The following ADGRL3 variants were observed in gnomAD, a reference collection of about 807,000 sequenced individuals.
The protein encoded by ADGRL3 is adhesion G protein-coupled receptor L3, also known as calcium-independent alpha-latrotoxin receptor 3.
In ADGRL3, 62 loss-of-function variants were observed where a neutral mutation model predicts 153.5. The ratio of observed to expected loss-of-function variants is 0.40; its 90% confidence interval spans 0.33 to 0.50. The LOEUF (loss-of-function observed/expected upper bound fraction) is 0.50, where lower values mean the gene tolerates loss of function less well. Ranked by LOEUF, ADGRL3 falls within the 20% of genes least tolerant of loss-of-function variation. The pLI, the probability that ADGRL3 is intolerant of heterozygous loss-of-function variation, is 0.47. For synonymous variants in ADGRL3, 710 were observed against 672.5 expected, an observed-to-expected ratio of 1.06 and a Z score of -0.86; for missense variants, 1,641 against 1,859.4, an observed-to-expected ratio of 0.88 and a Z score of 2.16.
chr4:61,364,343 AAAAT>A (rs1352054584), intron 1 of ADGRL3, among the ~76,000 whole-genome samples: 4 of 146,600 alleles, frequency 2.7e-5, no homozygotes, highest in African/African-American at 7.6e-5. Flanking sequence ...AAAAAAAAAA[AAAAT>A]AATAATAATA....
intron 6 of ADGRL3, among the ~76,000 whole-genome samples, chr4:61,688,490 G>C (rs1407486413): frequency 6.6e-6 from 1 of 152,064 alleles, no homozygotes; most frequent in Non-Finnish European, 1.5e-5. Flanking sequence ...TCAATTTACA[G>C]AGTTTCTGTG....
chr4:61,226,672 A>T (rs890944522), intron 1 of ADGRL3, among the ~76,000 whole-genome samples: 8 of 152,132 alleles, frequency 5.3e-5, no homozygotes, highest in Admixed American at 5.2e-4. Flanking sequence ...ATGGAGGAAG[A>T]CCCTGAGAAG....
intron 2 of ADGRL3, among the ~76,000 whole-genome samples, chr4:61,410,883 G>A (rs969773459): frequency 3.9e-5 from 6 of 152,182 alleles, no homozygotes; most frequent in Admixed American, 3.3e-4. Flanking sequence ...CAGGAACTGG[G>A]ATTCCAAAAG....
intron 9 of ADGRL3, among the ~76,000 whole-genome samples, chr4:61,853,564 A>G (rs2098231661): frequency 6.6e-6 from 1 of 152,196 alleles, no homozygotes; most frequent in South Asian, 2.1e-4. Flanking sequence ...CCTTCTGGCT[A>G]CAAAGTTTTA....
chr4:62,055,374 AAAG>A (rs1736448083), intron 25 of ADGRL3, among the ~76,000 whole-genome samples: 1 of 151,804 alleles, frequency 6.6e-6, no homozygotes. Context: ...TTAGCTATTA[AAAG>A]AAGCTGAAGT....
intron 9 of ADGRL3, among the ~76,000 whole-genome samples, chr4:61,856,602 CTCTTTTTTTTTTTTTTTTT>C (rs1561367013): frequency 1.7e-3 from 38 of 22,382 alleles, no homozygotes; most frequent in African/African-American, 3.9e-3. Flanking sequence ...CTCTCTCTCT[CTCTTTTTTTTTTTTTTTTT>C]TTTTTTTTTT....
At chr4:61,574,160 T>A (rs559716467) in intron 4 of ADGRL3, among the ~76,000 whole-genome samples, 6 of 151,988 alleles carry the variant, frequency 3.9e-5, no homozygotes, top group Admixed American at 3.9e-4. Flanking sequence ...AGAGTGCAAC[T>A]CCATCAGACC....
intron 8 of ADGRL3, among the ~76,000 whole-genome samples, chr4:61,782,769 G>A (rs2097229032): frequency 6.6e-6 from 1 of 152,144 alleles, no homozygotes. Context: ...GACTCTGCCA[G>A]TAAAGCAGTC....
At chr4:61,628,808 G>A (rs2092985167) in intron 5 of ADGRL3, among the ~76,000 whole-genome samples, 1 of 152,126 alleles carries the variant, frequency 6.6e-6, no homozygotes, top group Non-Finnish European at 1.5e-5. Flanking sequence ...ATACAGCTCA[G>A]GGAGAGCCCT....
intron 3 of ADGRL3, among the ~76,000 whole-genome samples, chr4:61,497,651 G>A (rs1019548210): frequency 4.0e-5 from 6 of 149,884 alleles, no homozygotes; most frequent in African/African-American, 1.5e-4. Context: ...GAGTAGCTGG[G>A]ACTACAGGCG....
chr4:61,351,062 C>A (rs2096037617), intron 1 of ADGRL3, among the ~76,000 whole-genome samples: 1 of 152,110 alleles, frequency 6.6e-6, no homozygotes, highest in South Asian at 2.1e-4. Context: ...AGGAAAAGTT[C>A]TTGAAGAAAA....
At chr4:62,034,633 T>A (rs1006557540) in intron 23 of ADGRL3, among the ~76,000 whole-genome samples, 4 of 151,892 alleles carry the variant, frequency 2.6e-5, no homozygotes, top group African/African-American at 9.7e-5. Context: ...TAATATGCCA[T>A]CACTGGTATA....
At chr4:61,369,636 A>G (rs2096481761) in intron 1 of ADGRL3, among the ~76,000 whole-genome samples, 7 of 152,146 alleles carry the variant, frequency 4.6e-5, no homozygotes, top group Admixed American at 4.6e-4. Flanking sequence ...GTTTGCCAGT[A>G]TTTTATTGAG....
intron 2 of ADGRL3, among the ~76,000 whole-genome samples, chr4:61,458,928 C>A (rs1378115907): frequency 5.9e-5 from 9 of 151,294 alleles, no homozygotes; most frequent in African/African-American, 2.2e-4. Flanking sequence ...AAGCATTTAA[C>A]ACATTTAAAA....
rs371450810 is a variant in ADGRL3 at position 61,410,172 on chromosome 4, CTA to C, written c.-174+26985_-174+26986del. ...ATTTTTAATTTTTTAAAAAATGACTCTATTTGTAAATTTATATTCATGAGTTC... is the reference window on the plus strand; with the variant it reads ...ATTTTTAATTTTTTAAAAAATGACTCTTTGTAAATTTATATTCATGAGTTC... On this transcript the variant is annotated intron_variant, in intron 2 of 26. Transcript: ENST00000683033. Among the ~76,000 whole-genome samples the C allele has an allele frequency of 2.2e-3, 341 of 151,942 alleles. 4 individuals are homozygous for C. The highest frequency in any genetic ancestry group is 7.8e-3 in the African/African-American group (324 of 41,490).
chr4:62,019,875 G>T (rs1044248736), intron 21 of ADGRL3, among the ~76,000 whole-genome samples: 2 of 151,972 alleles, frequency 1.3e-5, no homozygotes, highest in African/African-American at 4.8e-5. Flanking sequence ...TTCTTTTCTT[G>T]AGTCTACTCA....
rs569888943 is a variant in ADGRL3 at position 61,361,779 on chromosome 4, CAATT to C, written c.-239-21341_-239-21338del. On this transcript the variant is annotated intron_variant, in intron 1 of 26. Coordinates refer to ENST00000683033, the MANE Select transcript of ADGRL3 (RefSeq NM_001387552.1). ...GGTGAAGACTATGAAAGATTTTTGTCAATTAATATTAGCAAAAAAGTTTAAAATG... is the reference window on the plus strand; with the variant it reads ...GGTGAAGACTATGAAAGATTTTTGTCAATATTAGCAAAAAAGTTTAAAATG... Among the ~76,000 whole-genome samples, 36 of 151,944 alleles carry C rather than the reference CAATT, an allele frequency of 2.4e-4. 2 individuals are homozygous for C. The highest frequency in any genetic ancestry group is 8.2e-4 in the African/African-American group (34 of 41,448).
chr4:61,910,836 T>G (rs1418065208), intron 12 of ADGRL3, among the ~76,000 whole-genome samples: 3 of 151,870 alleles, frequency 2.0e-5, no homozygotes, highest in South Asian at 2.1e-4. Flanking sequence ...GGAAAGAAAT[T>G]TTCTAAATAA....
At chr4:61,257,689 G>C (rs1309148981) in intron 1 of ADGRL3, among the ~76,000 whole-genome samples, 1 of 152,120 alleles carries the variant, frequency 6.6e-6, no homozygotes, top group African/African-American at 2.4e-5. Flanking sequence ...GATATGATGA[G>C]TAACAGTTGA....
Sources: gnomAD v4.1 joint callset for allele counts (sites outside exome capture counted in the v4.1 genomes callset) on GRCh38, gnomAD v4.1.1 for gene constraint, MANE v1.5 for transcripts, NCBI Gene and HGNC (gene_info 2026-07-23, HGNC 2026-07-21) for gene names.